KLHL29: variants seen among roughly 807,000 people sequenced by gnomAD.
The protein encoded by KLHL29 is kelch-like protein 29.
In KLHL29, 21 loss-of-function variants were observed where a neutral mutation model predicts 80.4. The observed-to-expected ratio is 0.26, with a 90% CI of 0.19 to 0.38. The LOEUF is 0.38. Ranked by LOEUF, KLHL29 falls within the 10% of genes least tolerant of loss-of-function variation. The pLI is 1.00. For missense variants in KLHL29, 867 were observed against 1,223.9 expected (o/e 0.71, Z 4.35); for synonymous variants, 511 against 526.8 (o/e 0.97, Z 0.41).
At chr2:23,511,151 G>A (rs932748457) in intron 2 of KLHL29, among the ~76,000 whole-genome samples, 3 of 152,020 alleles carry the variant, frequency 2.0e-5, no homozygotes, top group African/African-American at 7.2e-5. Flanking sequence ...AGTTTCTAGG[G>A]CATTTGATAA....
chr2:23,437,938 A>G (rs1409931033), intron 1 of KLHL29, among the ~76,000 whole-genome samples: 2 of 150,480 alleles, frequency 1.3e-5, no homozygotes, highest in Non-Finnish European at 3.0e-5. Context: ...CTTCCTACCC[A>G]TGAGCATGGA....
intron 1 of KLHL29, among the ~76,000 whole-genome samples, chr2:23,386,683 C>T (rs1159684011): frequency 2.0e-5 from 3 of 152,126 alleles, no homozygotes; most frequent in Admixed American, 6.5e-5. Flanking sequence ...GGGCTGAGAG[C>T]GCTAGGGTTA....
At chr2:23,441,082 A>G (rs1249569604) in intron 1 of KLHL29, among the ~76,000 whole-genome samples, 6 of 152,214 alleles carry the variant, frequency 3.9e-5, no homozygotes, top group African/African-American at 9.7e-5. Context: ...ACCAACCCAC[A>G]TGTCCAACAA....
intron 2 of KLHL29, among the ~76,000 whole-genome samples, chr2:23,498,663 A>C (rs958880186): frequency 6.6e-6 from 1 of 152,242 alleles, no homozygotes; most frequent in African/African-American, 2.4e-5. Flanking sequence ...ATTCTGCAGT[A>C]ATGCAGATGT....
chr2:23,625,327 G>A (rs1463355103), intron 3 of KLHL29, among the ~76,000 whole-genome samples: 3 of 152,232 alleles, frequency 2.0e-5, no homozygotes, highest in African/African-American at 7.2e-5. Context: ...TTTATTAAGT[G>A]GAACAAGCTA....
intron 3 of KLHL29, among the ~76,000 whole-genome samples, chr2:23,618,147 T>C (rs1460752835): frequency 6.6e-6 from 1 of 152,192 alleles, no homozygotes; most frequent in Non-Finnish European, 1.5e-5. Flanking sequence ...TCTCCAGCCC[T>C]GCTTAGTATT....
In KLHL29 at chr2:23,466,805, T is replaced by C. The variant is rs372114277; in HGVS notation, c.-153-8755T>C. On this transcript the variant is annotated intron_variant, in intron 1 of 13. Transcript: ENST00000486442. The stretch of plus-strand genomic sequence containing the variant: ...TGAAAAATAATGCAGCAAGGAATAT[T>C]TGATTTAATGCTTACTAGGGAGGGG... 1.8e-4 allele frequency among the ~76,000 whole-genome samples: 27 copies of C among 152,334 alleles called. No individual in the cohort carries two copies. In the South Asian group the frequency reaches 5.6e-3, roughly 32 times the overall value.
chr2:23,536,930 C>T (rs201927781), intron 2 of KLHL29, among the ~76,000 whole-genome samples: 22 of 59,544 alleles, frequency 3.7e-4, no homozygotes, highest in South Asian at 1.7e-3. Context: ...TCTCTCTCTC[C>T]CTCTCTCGCT....
At chr2:23,399,274 C>G (rs956292272) in intron 1 of KLHL29, among the ~76,000 whole-genome samples, 1 of 152,150 alleles carries the variant, frequency 6.6e-6, no homozygotes, top group African/African-American at 2.4e-5. Context: ...CCATGCCTAG[C>G]TGGATTGCAG....
intron 2 of KLHL29, among the ~76,000 whole-genome samples, chr2:23,495,169 TG>T (rs1248918153): frequency 1.3e-5 from 2 of 152,182 alleles, no homozygotes; most frequent in Non-Finnish European, 2.9e-5. Context: ...ATCACAGGCG[TG>T]CATCACTGTA....
intron 1 of KLHL29, among the ~76,000 whole-genome samples, chr2:23,396,520 C>T (rs943577048): frequency 2.0e-5 from 3 of 152,202 alleles, no homozygotes; most frequent in Admixed American, 6.5e-5. Flanking sequence ...AATTAAGGGC[C>T]GTGGAGTTTG....
intron 2 of KLHL29, among the ~76,000 whole-genome samples, chr2:23,555,167 A>C (rs765094635): frequency 2.7e-5 from 4 of 146,268 alleles, no homozygotes; most frequent in Non-Finnish European, 6.0e-5. Flanking sequence ...GAGTGAGACC[A>C]CCCTACAGGA....
chr2:23,432,799 G>A (rs571456185), intron 1 of KLHL29, among the ~76,000 whole-genome samples: 1 of 152,310 alleles, frequency 6.6e-6, no homozygotes, highest in South Asian at 2.1e-4. Context: ...GGGAGTCGGG[G>A]GCAACTGGTC....
At chr2:23,416,227 A>C (rs2103398447) in intron 1 of KLHL29, among the ~76,000 whole-genome samples, 1 of 152,304 alleles carries the variant, frequency 6.6e-6, no homozygotes, top group East Asian at 1.9e-4. Context: ...CCAAGTTCAG[A>C]AGCCCTGACC....
chr2:23,468,736 G>A (rs1249689652), intron 1 of KLHL29, among the ~76,000 whole-genome samples: 2 of 152,202 alleles, frequency 1.3e-5, no homozygotes, highest in Non-Finnish European at 2.9e-5. Context: ...TGAGTGCTTG[G>A]GGTGCAGGTC....
At chr2:23,505,918 C>G (rs1012591114) in intron 2 of KLHL29, among the ~76,000 whole-genome samples, 10 of 152,178 alleles carry the variant, frequency 6.6e-5, no homozygotes, top group African/African-American at 2.4e-4. Context: ...TTGGGGGTCT[C>G]TGAAGAGGAT....
chr2:23,466,418 AT>A (rs1180504351), intron 1 of KLHL29, among the ~76,000 whole-genome samples: 1 of 152,236 alleles, frequency 6.6e-6, no homozygotes, highest in East Asian at 1.9e-4. Flanking sequence ...GATATGTAGT[AT>A]TTTTATTTGC....
chr2:23,594,423 T>C (rs605953), intron 3 of KLHL29, among the ~76,000 whole-genome samples: 1 of 151,766 alleles, frequency 6.6e-6, no homozygotes, highest in Non-Finnish European at 1.5e-5. Context: ...TGGATTGTTC[T>C]AATCCCAGAC....
chr2:23,487,985 T>A (rs1664979522), intron 2 of KLHL29, among the ~76,000 whole-genome samples: 1 of 152,188 alleles, frequency 6.6e-6, no homozygotes, highest in African/African-American at 2.4e-5. Context: ...AGGCCCCTTC[T>A]AGCCTTTTAA....
Sources: gnomAD v4.1 joint callset for allele counts (sites outside exome capture counted in the v4.1 genomes callset) on GRCh38, gnomAD v4.1.1 for gene constraint, MANE v1.5 for transcripts, NCBI Gene and HGNC (gene_info 2026-07-23, HGNC 2026-07-21) for gene names.